SYNE2: variants seen among roughly 807,000 people sequenced by gnomAD.
SYNE2 encodes nesprin-2.
SYNE2 carries 431 observed loss-of-function variants against 856.3 expected under a neutral mutation model. The ratio of observed to expected loss-of-function variants is 0.50; its 90% CI spans 0.47 to 0.55. The LOEUF is 0.55. Among genes scored for constraint, SYNE2 ranks in the 20% least tolerant of loss-of-function variants. SYNE2 has a pLI of 0.00. For missense variants in SYNE2, 8,129 were observed against 8,023.2 expected (o/e 1.01, Z -0.50); for synonymous variants, 2,923 against 2,872.3 (o/e 1.02, Z -0.56).
At chr14:64,214,580 C>G (rs1178263390) in intron 106 of SYNE2, 110 bp downstream of exon 106, 9 of 1,127,010 alleles carry the variant, frequency 8.0e-6, no homozygotes, top group Admixed American at 4.1e-5. Context: ...TGTGGCCGAC[C>G]CTGACTTCTG....
chr14:63,912,037 G>C (rs2095479276), intron 2 of SYNE2, among the ~76,000 whole-genome samples: 2 of 152,216 alleles, frequency 1.3e-5, no homozygotes, highest in Non-Finnish European at 1.5e-5. Flanking sequence ...TGCTGTCTTA[G>C]GGGGACTGGT....
Position 64,182,018 on chromosome 14 carries a change from T to TA in SYNE2, c.17557-4405dup, listed in dbSNP as rs1176138189. Among the ~76,000 whole-genome samples the TA allele has an allele frequency of 3.9e-5, 6 of 152,362 alleles. No homozygotes were observed. The East Asian group carries it at 1.2e-3, about 29-fold the overall frequency. The stretch of plus-strand genomic sequence containing the variant: ...AGTTTGTTGTATTTTCTTCCAAAGA[T>TA]AGAGTATGCATATGCAGGTCAAATT... On this transcript the variant is annotated intron_variant, in intron 96 of 115. Transcript: ENST00000555002.
intron 63 of SYNE2, among the ~76,000 whole-genome samples, chr14:64,100,795 C>T (rs2097722275): frequency 6.7e-6 from 1 of 150,110 alleles, no homozygotes; most frequent in African/African-American, 2.5e-5. Context: ...TTTTTAATGT[C>T]CTTTGACAGA....
At chr14:63,791,822 G>A (rs1887743022) in intron 1 of SYNE2, among the ~76,000 whole-genome samples, 1 of 152,054 alleles carries the variant, frequency 6.6e-6, no homozygotes, top group African/African-American at 2.4e-5. Flanking sequence ...GCAGGTGCCT[G>A]TAGTCCCAGC....
chr14:63,926,188 CT>C, intron 2 of SYNE2, among the ~76,000 whole-genome samples: 2 of 152,100 alleles, frequency 1.3e-5, no homozygotes, highest in Non-Finnish European at 2.9e-5. Flanking sequence ...AACCCCATAC[CT>C]TTTAACTGTC....
intron 6 of SYNE2, among the ~76,000 whole-genome samples, chr14:63,948,778 GTGTGTA>G (rs1219050974): frequency 7.9e-5 from 6 of 76,336 alleles, no homozygotes; most frequent in East Asian, 3.8e-4. Flanking sequence ...ATGTATGTGT[GTGTGTA>G]TATATATATA....
intron 27 of SYNE2, 151 bp from the exon 28 acceptor site, chr14:64,000,411 T>C (rs967090604): frequency 2.9e-6 from 2 of 691,238 alleles, no homozygotes; most frequent in Non-Finnish European, 5.0e-6. Flanking sequence ...GATAGTTCAC[T>C]TGTAGGTGGT....
intron 111 of SYNE2, among the ~76,000 whole-genome samples, chr14:64,221,309 A>G (rs1242859691): frequency 6.6e-6 from 1 of 152,160 alleles, no homozygotes; most frequent in African/African-American, 2.4e-5. Flanking sequence ...TGGCCTTCAT[A>G]TATAAAATCA....
At chr14:64,121,086 AG>A (rs779169474) in intron 68 of SYNE2, 25 bp downstream of exon 68, 1 of 1,613,516 alleles carries the variant, frequency 6.2e-7, no homozygotes, top group Admixed American at 1.7e-5. Flanking sequence ...CAACAGTTGT[AG>A]GGACTAGAAT....
chr14:64,177,529 T>C (rs754992661), intron 96 of SYNE2, 46 bp downstream of exon 96: 1 of 1,613,798 alleles, frequency 6.2e-7, no homozygotes, highest in Non-Finnish European at 8.5e-7. Context: ...TTAGCTGTTT[T>C]CTGAGTACTT....
intron 112 of SYNE2, among the ~76,000 whole-genome samples, chr14:64,222,950 G>A (rs1253718647): frequency 6.6e-6 from 1 of 152,078 alleles, no homozygotes; most frequent in Non-Finnish European, 1.5e-5. Context: ...AATTTCTCCA[G>A]CATCACAATT....
At chr14:63,801,553 C>A (rs1281141736) in intron 1 of SYNE2, among the ~76,000 whole-genome samples, 1 of 152,086 alleles carries the variant, frequency 6.6e-6, no homozygotes, top group African/African-American at 2.4e-5. Context: ...GTGGCGCATG[C>A]CTGTAATCCC....
At chr14:64,161,452 CAG>C (rs2153714601) in intron 87 of SYNE2, among the ~76,000 whole-genome samples, 2 of 151,624 alleles carry the variant, frequency 1.3e-5, no homozygotes, top group African/African-American at 4.8e-5. Context: ...TTTGTGTAAA[CAG>C]ATAATAAATT....
intron 66 of SYNE2, among the ~76,000 whole-genome samples, chr14:64,117,829 G>A (rs149021541): frequency 9.9e-5 from 15 of 152,246 alleles, no homozygotes; most frequent in African/African-American, 1.9e-4. Context: ...CTAATGAGCC[G>A]AGTGCTGGAG....
At chr14:64,047,759 T>A (rs2097196556) in intron 45 of SYNE2, among the ~76,000 whole-genome samples, 1 of 152,200 alleles carries the variant, frequency 6.6e-6, no homozygotes, top group African/African-American at 2.4e-5. Flanking sequence ...TAGATTTTGC[T>A]TCAGTATACA....
chr14:64,064,924 T>G (rs1369727413), intron 50 of SYNE2, among the ~76,000 whole-genome samples: 1 of 150,526 alleles, frequency 6.6e-6, no homozygotes, highest in Non-Finnish European at 1.5e-5. Context: ...TGGCACAATT[T>G]CAGCTCACTG....
intron 51 of SYNE2, among the ~76,000 whole-genome samples, chr14:64,068,530 T>C (rs368496857): frequency 5.9e-5 from 9 of 152,200 alleles, no homozygotes; most frequent in East Asian, 1.9e-4. Flanking sequence ...ATTCCCAAGT[T>C]GAAGAATTGC....
chr14:64,111,917 G>T (rs940472250), intron 65 of SYNE2, among the ~76,000 whole-genome samples: 11 of 152,168 alleles, frequency 7.2e-5, no homozygotes, highest in Non-Finnish European at 1.0e-4. Context: ...CCTTGAGAAG[G>T]TTTTCAAGAT....
chr14:63,944,278 TTATATATATATA>T (rs71123818), intron 6 of SYNE2, among the ~76,000 whole-genome samples: 2,591 of 144,024 alleles, frequency 0.018, 53 homozygotes, highest in African/African-American at 0.044. Flanking sequence ...TTCTGAATTT[TTATATATATATA>T]TATATATATA....
Sources: gnomAD v4.1 joint callset for allele counts (sites outside exome capture counted in the v4.1 genomes callset) on GRCh38, gnomAD v4.1.1 for gene constraint, MANE v1.5 for transcripts, NCBI Gene and HGNC (gene_info 2026-07-23, HGNC 2026-07-21) for gene names.